Variants in CHRM2 observed in about 807,000 individuals in gnomAD.
The protein encoded by CHRM2 is muscarinic acetylcholine receptor M2.
Under a neutral mutation model 25.0 loss-of-function variants are expected in CHRM2, and 8 were observed. The ratio of observed to expected loss-of-function variants is 0.32; its 90% CI spans 0.19 to 0.58. CHRM2 has a LOEUF of 0.58. CHRM2 is among the 20% of genes least tolerant of loss of function. The pLI is 0.88. For missense variants in CHRM2, 440 were observed against 567.1 expected (o/e 0.78, Z 2.28); for synonymous variants, 202 against 205.7 (o/e 0.98, Z 0.15).
At chr7:136,942,059 G>A (rs114321129) in intron 2 of CHRM2, among the ~76,000 whole-genome samples, 110 of 152,290 alleles carry the variant, frequency 7.2e-4, no homozygotes, top group African/African-American at 2.6e-3. Flanking sequence ...TAGAGTTACA[G>A]CCACACCTCA....
intron 2 of CHRM2, among the ~76,000 whole-genome samples, chr7:136,986,243 T>C (rs1041241930): frequency 1.3e-5 from 2 of 152,192 alleles, no homozygotes; most frequent in East Asian, 3.8e-4. Context: ...TTCCTTATTT[T>C]GGCAGTTTAT....
At chr7:137,008,482 C>G (rs1302361519) in intron 3 of CHRM2, among the ~76,000 whole-genome samples, 2 of 152,010 alleles carry the variant, frequency 1.3e-5, no homozygotes, top group South Asian at 4.1e-4. Flanking sequence ...TATCACTATT[C>G]TATCAGTTTT....
At chr7:136,980,533 G>T in intron 2 of CHRM2, among the ~76,000 whole-genome samples, 1 of 152,152 alleles carries the variant, frequency 6.6e-6, no homozygotes, top group East Asian at 1.9e-4. Context: ...GTTTTCAAAG[G>T]AAATGCTTCC....
At chr7:136,889,102 CT>C (rs547435267) in intron 2 of CHRM2, among the ~76,000 whole-genome samples, 76 of 140,970 alleles carry the variant, frequency 5.4e-4, no homozygotes, top group African/African-American at 1.9e-3. Context: ...AAGAACTTTT[CT>C]ATCAATCATG....
chr7:136,934,846 C>T (rs1457532394), intron 2 of CHRM2, among the ~76,000 whole-genome samples: 1 of 137,252 alleles, frequency 7.3e-6, no homozygotes, highest in Non-Finnish European at 1.6e-5. Flanking sequence ...CCATTCTATG[C>T]CCTGAAAATA....
At chr7:136,997,346 C>T (rs1584898586) in intron 3 of CHRM2, among the ~76,000 whole-genome samples, 1 of 152,128 alleles carries the variant, frequency 6.6e-6, no homozygotes, top group Non-Finnish European at 1.5e-5. Context: ...GTTTTATCCC[C>T]TGAAGTTGGC....
intron 2 of CHRM2, among the ~76,000 whole-genome samples, chr7:136,954,767 C>G (rs912161116): frequency 6.6e-6 from 1 of 152,184 alleles, no homozygotes; most frequent in African/African-American, 2.4e-5. Flanking sequence ...ATTCTTCCAT[C>G]CTCGTAGCTG....
chr7:136,974,117 G>A (rs1241203742), intron 2 of CHRM2, among the ~76,000 whole-genome samples: 1 of 152,086 alleles, frequency 6.6e-6, no homozygotes, highest in South Asian at 2.1e-4. Context: ...AGTGTCTTAT[G>A]ATTTATGTCA....
intron 2 of CHRM2, among the ~76,000 whole-genome samples, chr7:136,948,775 A>C (rs1800216620): frequency 6.6e-6 from 1 of 152,202 alleles, no homozygotes; most frequent in African/African-American, 2.4e-5. Flanking sequence ...TCTCCTGTTG[A>C]TAAAAAAGAA....
At chr7:136,902,523 C>T (rs1310063058) in intron 2 of CHRM2, 3 of 152,006 alleles carry the variant, frequency 2.0e-5, no homozygotes, top group African/African-American at 7.2e-5. Context: ...GGGTATTAAA[C>T]ACAATCCTAG....
intron 2 of CHRM2, among the ~76,000 whole-genome samples, chr7:136,905,306 A>C (rs1178805613): frequency 6.6e-6 from 1 of 151,804 alleles, no homozygotes; most frequent in African/African-American, 2.4e-5. Flanking sequence ...ACACACATGC[A>C]CACAAAATGC....
At chr7:136,946,506 T>A (rs1277849449) in intron 2 of CHRM2, among the ~76,000 whole-genome samples, 1 of 152,162 alleles carries the variant, frequency 6.6e-6, no homozygotes, top group East Asian at 1.9e-4. Context: ...TTCATTTGTA[T>A]CTCAATAAAC....
At chr7:136,961,729 T>C (rs1040079194) in intron 2 of CHRM2, among the ~76,000 whole-genome samples, 10 of 152,022 alleles carry the variant, frequency 6.6e-5, no homozygotes, top group Admixed American at 1.3e-4. Context: ...AGATAAACTT[T>C]ATTAGAGAAA....
At chr7:136,908,109 T>G (rs954941180) in intron 2 of CHRM2, 1 of 151,950 alleles carries the variant, frequency 6.6e-6, no homozygotes, top group Non-Finnish European at 1.5e-5. Flanking sequence ...ACCCATTACA[T>G]GTTTAAGGAC....
rs1804404995 is a variant in CHRM2 at position 137,006,074 on chromosome 7, G to A, written c.-46-8746G>A. ...TCCACTTTTGCTGCTGTTTGCTTTA[G>A]AGCACATTGTTTAGTCAGCACCATT... On this transcript the variant is annotated intron_variant, in intron 3 of 3. Transcript: ENST00000680005. Among the ~76,000 whole-genome samples the A allele has an allele frequency of 1.3e-5, 2 of 152,040 alleles. 1 individual carries two copies. The highest frequency in any genetic ancestry group is 4.1e-4 in the South Asian group (2 of 4,830).
At chr7:136,947,774 G>A (rs1387786079) in intron 2 of CHRM2, among the ~76,000 whole-genome samples, 1 of 152,164 alleles carries the variant, frequency 6.6e-6, no homozygotes, top group African/African-American at 2.4e-5. Context: ...GATATTCAGT[G>A]CAGGTAAGAG....
rs550887293 is a variant in CHRM2 at position 137,018,823 on chromosome 7, A to C, written c.*2557A>C. The C allele has an allele frequency of 4.1e-4, 63 of 152,048 alleles. No individual in the cohort carries two copies. Among genetic ancestry groups the C allele is most frequent in the African/African-American group, 1.5e-3 (63 of 41,544 alleles). The allele number at this position is 152,048 out of a possible 1,614,324, so 9.4% of individuals were successfully genotyped here. Reference sequence around the variant, plus strand: ...AACAGATAAGAAAAATGGAAGGAATACTGAAAATGATAGATGATTGGAGAG... The same window carrying C: ...AACAGATAAGAAAAATGGAAGGAATCCTGAAAATGATAGATGATTGGAGAG... On this transcript the variant is annotated 3_prime_UTR_variant, in exon 4 of 4. Transcript: ENST00000680005.
At chr7:136,879,912 T>C (rs1331054464) in intron 2 of CHRM2, among the ~76,000 whole-genome samples, 2 of 151,950 alleles carry the variant, frequency 1.3e-5, no homozygotes, top group Non-Finnish European at 2.9e-5. Flanking sequence ...ATCATTGAAA[T>C]GTTCAGTTTG....
At chr7:136,902,161 T>C (rs893723497) in intron 2 of CHRM2, 1 of 152,014 alleles carries the variant, frequency 6.6e-6, no homozygotes, top group Non-Finnish European at 1.5e-5. Context: ...ACTACTAACA[T>C]TGATTCTGTG....
Sources: allele counts gnomAD v4.1 joint callset (sites outside exome capture counted in the v4.1 genomes callset), GRCh38; gene constraint gnomAD v4.1.1; transcripts MANE v1.5; gene names NCBI Gene and HGNC (gene_info 2026-07-23, HGNC 2026-07-21).